The following HPX variants were observed in gnomAD, a reference collection of about 807,000 sequenced individuals.
HPX encodes beta-1B-glycoprotein.
In HPX, 42 loss-of-function variants were observed where a neutral mutation model predicts 53.8. The ratio of observed to expected loss-of-function variants is 0.78; its 90% CI spans 0.61 to 1.01. The LOEUF is 1.01. Ranked by LOEUF, HPX falls within the 50% of genes least tolerant of loss-of-function variation. The probability of loss-of-function intolerance (pLI) is 0.00; values close to 1 mark genes in which losing one functional copy is unlikely to be tolerated. For missense variants in HPX, 547 were observed against 594.3 expected, an observed-to-expected ratio of 0.92 and a Z score of 0.83; for synonymous variants, 229 against 221.1, an observed-to-expected ratio of 1.04 and a Z score of -0.32.
At position 6,440,733 on chromosome 11, in the gene HPX, A is replaced by G. The variant is rs745391426; in HGVS notation, c.84-3T>C. 4 of 1,613,326 alleles carry G rather than the reference A, an allele frequency of 2.5e-6. No homozygotes were observed. The highest frequency in any genetic ancestry group is 2.5e-6 in the Non-Finnish European group (3 of 1,179,330). ...CAACATTCCCATGGGCACTAGTCCT[A>G]GGGAGAACAAAATAGATATCTTGAT... On this transcript the variant is annotated splice_polypyrimidine_tract_variant and splice_region_variant and intron_variant, in intron 1 of 9. Coordinates refer to ENST00000265983, the MANE Select transcript of HPX (RefSeq NM_000613.3).
chr11:6,434,690 G>A (rs567235267), intron 7 of HPX, among the ~76,000 whole-genome samples: 1 of 152,170 alleles, frequency 6.6e-6, no homozygotes, highest in African/African-American at 2.4e-5. Context: ...TAAATGATGA[G>A]TTCCCAACCC....
In HPX at chr11:6,440,653, T is replaced by G; in HGVS notation, c.142+19A>C. The stretch of plus-strand genomic sequence containing the variant: ...CACAACCAGACAGATAAGACAGACT[T>G]AGGGAGTCAGGGCCTCACCAGTCAC... On this transcript the variant is annotated intron_variant, in intron 2 of 9. Transcript: ENST00000265983. 1.9e-6 allele frequency: 3 copies of G among 1,607,212 alleles called. No homozygotes were observed. The highest frequency in any genetic ancestry group is 2.5e-6 in the Non-Finnish European group (3 of 1,177,266).
chr11:6,439,958 C>A, intron 4 of HPX: 1 of 642,302 alleles, frequency 1.6e-6, no homozygotes, highest in South Asian at 1.7e-5. Context: ...AAGACTAGGA[C>A]TGAAGAACAG....
chr11:6,437,686 A>G (rs1849434699), intron 5 of HPX, 34 bp from the exon 6 acceptor site: 1 of 1,571,324 alleles, frequency 6.4e-7, no homozygotes, highest in East Asian at 2.2e-5. Flanking sequence ...ATTTGGTGAG[A>G]CCGGGTTACG....
rs1284091792 is a variant in HPX at position 6,431,126 on chromosome 11, C to A, written c.*85G>T. On this transcript the variant is annotated 3_prime_UTR_variant, in exon 10 of 10. Coordinates refer to ENST00000265983, the MANE Select transcript of HPX (RefSeq NM_000613.3). Reference sequence around the variant, plus strand: ...CAGGCCAGACTCATGTCAGAAGGCCCCTCAGTGAGAAGCGAAGAAGCAATC... The same window carrying A: ...CAGGCCAGACTCATGTCAGAAGGCCACTCAGTGAGAAGCGAAGAAGCAATC... 1.6e-4 allele frequency: 244 copies of A among 1,556,800 alleles called. No homozygotes were observed. Among genetic ancestry groups the A allele is most frequent in the Non-Finnish European group, 2.0e-4 (234 of 1,147,102 alleles).
chr11:6,437,304 A>C lies in HPX; in HGVS notation c.704-127T>G, dbSNP rs909459121. ...CCATATGAGGGCAATGGGAAAATCC[A>C]GAATGGAAATGGGGCTAGATTAAGG... is the stretch of plus-strand genomic sequence containing the variant. On this transcript the variant is annotated intron_variant, in intron 6 of 9. Transcript: ENST00000265983. 1.3e-5 allele frequency: 18 copies of C among 1,392,328 alleles called. No homozygotes were observed. In the African/African-American group the frequency reaches 2.1e-4, roughly 17 times the overall value. The allele number at this position is 1,392,328 out of a possible 1,614,324, so 86.2% of individuals were successfully genotyped here.
In HPX at chr11:6,431,265, G is replaced by C. The variant is rs544372651; in HGVS notation, c.1335C>G (p.Ala445=). 6.2e-5 allele frequency: 100 copies of C among 1,614,142 alleles called. No homozygotes were observed. The highest frequency in any genetic ancestry group is 7.7e-5 in the Non-Finnish European group (91 of 1,180,058). ...CYSDVEKLNA[A]KALPQPQNVT... Reference sequence around the variant, plus strand: ...CATTCTGGGGTTGCGGAAGGGCCTTGGCTGCATTCAGTTTCTCCACATCAC... The same window carrying C: ...CATTCTGGGGTTGCGGAAGGGCCTTCGCTGCATTCAGTTTCTCCACATCAC... Residue 445 remains alanine, a synonymous_variant, in exon 10 of 10, where the codon GCC becomes GCG. Coordinates refer to ENST00000265983, the MANE Select transcript of HPX (RefSeq NM_000613.3).
chr11:6,433,755 C>T (rs1263207888), intron 7 of HPX, among the ~76,000 whole-genome samples: 1 of 152,236 alleles, frequency 6.6e-6, no homozygotes, highest in Non-Finnish European at 1.5e-5. Flanking sequence ...AAAACCCTTA[C>T]CAGGTCTAGG....
intron 7 of HPX, among the ~76,000 whole-genome samples, chr11:6,435,747 C>T (rs1015443655): frequency 2.0e-5 from 3 of 152,248 alleles, no homozygotes; most frequent in South Asian, 2.1e-4. Context: ...TGACTCACCA[C>T]GCCCGGCCTG....
In HPX at chr11:6,437,114, C is replaced by T. The variant is rs140700057; in HGVS notation, c.767G>A (p.Arg256His). The T allele has an allele frequency of 7.6e-5, 122 of 1,614,066 alleles. No homozygotes were observed. The East Asian group carries it at 2.6e-3, about 35-fold the overall frequency. ...NSTHHGPEYM[R>H]CSPHLVLSAL... ...AGACAAGACTAGATGTGGGCTACAG[C>T]GCATATACTCAGGGCCATGGTGGGT... Residue 256 changes from arginine (R) to histidine (H), a missense_variant, in exon 7 of 10, where the codon CGC becomes CAC. By Grantham distance (29) the Arg-to-His change is conservative. Transcript: ENST00000265983.
At chr11:6,432,494 CACA>C (rs969008252) in intron 7 of HPX, among the ~76,000 whole-genome samples, 3 of 152,188 alleles carry the variant, frequency 2.0e-5, no homozygotes, top group Non-Finnish European at 2.9e-5. Flanking sequence ...CTCCTCTTTT[CACA>C]ACAACTTATT....
rs1200155669 is a variant in HPX, at chr11:6,437,444, G to C, written c.699C>G (p.Gly233=). Residue 233 remains glycine, a synonymous_variant, in exon 6 of 10, where the codon GGC becomes GGG. Coordinates refer to ENST00000265983, the MANE Select transcript of HPX (RefSeq NM_000613.3). The part of the protein sequence containing the change: ...DVRDYFMPCP[G]RGHGHRNGTG... Reference sequence around the variant, plus strand: ...CAAGTGCTAGGGCTTTCTCACCTCTGCCAGGGCAGGGCATGAAGTAGTCTC... The same window carrying C: ...CAAGTGCTAGGGCTTTCTCACCTCTCCCAGGGCAGGGCATGAAGTAGTCTC... 1 of 1,613,038 alleles carries C rather than the reference G, an allele frequency of 6.2e-7. No homozygotes were observed. Among genetic ancestry groups the C allele is most frequent in the Admixed American group, 1.7e-5 (1 of 60,024 alleles).
At chr11:6,440,423 A>C (rs199866879) in intron 3 of HPX, 44 bp downstream of exon 3, 1 of 1,590,878 alleles carries the variant, frequency 6.3e-7, no homozygotes, top group East Asian at 2.2e-5. Context: ...TGTGAAGGAG[A>C]GTAAGTCTAA....
Position 6,431,954 on chromosome 11 carries a change from T to G in HPX, c.899A>C (p.Gln300Pro). The G allele has an allele frequency of 1.2e-6, 2 of 1,614,214 alleles. No homozygotes were observed. Among genetic ancestry groups the G allele is most frequent in the Non-Finnish European group, 1.7e-6 (2 of 1,180,032 alleles). Residue 300 changes from glutamine (Q) to proline (P), a missense_variant, in exon 8 of 10, where the codon CAG (glutamine) becomes CCG (proline). By Grantham distance (76) the Gln-to-Pro change is moderately conservative (BLOSUM62 -1). Transcript: ENST00000265983. ...DGWHSWPIAH[Q>P]WPQGPSAVDA... ...CACTGCTGAAGGACCCTGGGGCCAC[T>G]GATGAGCAATGGGCCAGCTATGCCA... is the stretch of plus-strand genomic sequence containing the variant.
Position 6,431,549 on chromosome 11 carries a change from C to A in HPX, c.1130-79G>T. 2 of 1,606,394 alleles carry A rather than the reference C, an allele frequency of 1.2e-6. 1 individual carries two copies. The highest frequency in any genetic ancestry group is 4.5e-5 in the East Asian group (2 of 44,788). ...CTAGGCCTTCTCATGCCCTGGGGAT[C>A]CTGACCTAGGCCTTCTCATGCCCTG... is the stretch of plus-strand genomic sequence containing the variant. On this transcript the variant is annotated intron_variant, in intron 9 of 9. Transcript: ENST00000265983.
chr11:6,438,216 T>C, intron 5 of HPX, 140 bp downstream of exon 5: 1 of 819,814 alleles, frequency 1.2e-6, no homozygotes, highest in Admixed American at 2.2e-5. Context: ...CTCTAGACCA[T>C]ACGTGGCTTC....
intron 4 of HPX, 51 bp downstream of exon 4, chr11:6,440,114 G>T (rs1045669901): frequency 2.4e-5 from 38 of 1,612,352 alleles, no homozygotes; most frequent in Non-Finnish European, 3.2e-5. Flanking sequence ...AGGGTCCCCA[G>T]TGTCGATTCC....
At chr11:6,432,121 C>T in intron 7 of HPX, 104 bp from the exon 8 acceptor site, 3 of 1,321,692 alleles carry the variant, frequency 2.3e-6, no homozygotes, top group Non-Finnish European at 3.2e-6. Context: ...GAGAATGCAT[C>T]CAGAGGCCAA....
chr11:6,435,751 C>T (rs371595557), intron 7 of HPX, among the ~76,000 whole-genome samples: 1 of 152,194 alleles, frequency 6.6e-6, no homozygotes, highest in African/African-American at 2.4e-5. Flanking sequence ...TCACCACGCC[C>T]GGCCTGGGTA....
Sources: gnomAD v4.1 joint callset for allele counts (sites outside exome capture counted in the v4.1 genomes callset) on GRCh38, gnomAD v4.1.1 for gene constraint, MANE v1.5 for transcripts, NCBI Gene and HGNC (gene_info 2026-07-23, HGNC 2026-07-21) for gene names.